Variants in SYT14 observed in about 807,000 individuals in gnomAD.
The protein encoded by SYT14 is synaptotagmin 14, also known as synaptotagmin-14.
In SYT14, 32 loss-of-function variants were observed where a neutral mutation model predicts 74.2. The observed-to-expected ratio is 0.43, with a 90% CI of 0.33 to 0.58. The LOEUF is 0.58. Among genes scored for constraint, SYT14 ranks in the 20% least tolerant of loss-of-function variants. The pLI, the probability that SYT14 is intolerant of heterozygous loss-of-function variation, is 0.05. For missense variants in SYT14, 791 were observed against 981.8 expected (o/e 0.81, Z 2.60); for synonymous variants, 298 against 337.7 (o/e 0.88, Z 1.29).
rs377050610 is a variant in SYT14, at chr1:210,059,451, T to TATATATAGAG, written c.1313-34870_1313-34869insTATATAGAGA. ...GAATATATATATATATATATATATA[T>TATATATAGAG]AGAGAGAGAGAGAGAGAGAGAGAGA... is the stretch of plus-strand genomic sequence containing the variant. On this transcript the variant is annotated intron_variant, in intron 5 of 9. Transcript: ENST00000637265. Among the ~76,000 whole-genome samples the TATATATAGAG allele has an allele frequency of 3.7e-3, 259 of 69,884 alleles. 3 individuals are homozygous for TATATATAGAG. Among genetic ancestry groups the TATATATAGAG allele is most frequent in the African/African-American group, 8.3e-3 (106 of 12,730 alleles). The allele number at this position is 69,884 out of a possible 152,430, so 45.8% of individuals were successfully genotyped here.
At chr1:210,030,464 ATTAG>A (rs2080507191) in intron 5 of SYT14, among the ~76,000 whole-genome samples, 1 of 152,106 alleles carries the variant, frequency 6.6e-6, no homozygotes, top group African/African-American at 2.4e-5. Flanking sequence ...TGATTTGTTT[ATTAG>A]TTCTAGCAGT....
chr1:210,026,972 C>T (rs913810606), intron 5 of SYT14, among the ~76,000 whole-genome samples: 1 of 152,026 alleles, frequency 6.6e-6, no homozygotes, highest in Non-Finnish European at 1.5e-5. Context: ...AGGTATATTA[C>T]ATTTGACTCT....
chr1:210,040,620 A>G (rs1445058979), intron 5 of SYT14, among the ~76,000 whole-genome samples: 2 of 152,186 alleles, frequency 1.3e-5, no homozygotes, highest in Admixed American at 1.3e-4. Flanking sequence ...ACGTAGGATC[A>G]GACTTTAAAA....
chr1:209,970,037 C>T (rs2079222067), intron 2 of SYT14, among the ~76,000 whole-genome samples: 1 of 152,122 alleles, frequency 6.6e-6, no homozygotes, highest in South Asian at 2.1e-4. Flanking sequence ...GTGTTGATTA[C>T]TTCTTTTACT....
At chr1:209,940,783 C>A (rs763382049) in intron 1 of SYT14, among the ~76,000 whole-genome samples, 4 of 152,154 alleles carry the variant, frequency 2.6e-5, no homozygotes, top group Non-Finnish European at 5.9e-5. Context: ...ATCCACTTCC[C>A]TCCTCTGGAT....
intron 7 of SYT14, among the ~76,000 whole-genome samples, chr1:210,112,451 G>T (rs1263887955): frequency 6.6e-6 from 1 of 151,426 alleles, no homozygotes; most frequent in Non-Finnish European, 1.5e-5. Flanking sequence ...AATAGAATGG[G>T]CCTATGAGGC....
intron 2 of SYT14, among the ~76,000 whole-genome samples, chr1:209,993,180 A>G (rs1303150571): frequency 1.3e-5 from 2 of 152,144 alleles, no homozygotes; most frequent in African/African-American, 2.4e-5. Context: ...ATCCCCCTTC[A>G]GGAAGTGCCA....
At chr1:210,162,074 A>AAAAT (rs1160342285) in exon 10 of SYT14, 43 of 439,418 alleles carry the variant, frequency 9.8e-5, no homozygotes, top group Admixed American at 4.4e-4. Flanking sequence ...CTTCACTCTT[A>AAAAT]CTTCAATTTA....
chr1:210,081,575 C>A (rs1286880600), intron 5 of SYT14, among the ~76,000 whole-genome samples: 1 of 152,162 alleles, frequency 6.6e-6, no homozygotes, highest in East Asian at 1.9e-4. Context: ...GGGAAAATGG[C>A]ACTAGTAGAC....
At chr1:210,158,199 G>T (rs935970467) in intron 8 of SYT14, among the ~76,000 whole-genome samples, 2 of 152,212 alleles carry the variant, frequency 1.3e-5, no homozygotes, top group Non-Finnish European at 2.9e-5. Context: ...TTGGTAGTGT[G>T]ACTTGATCAT....
exon 10 of SYT14, chr1:210,163,023 T>A (rs1360749207): frequency 2.2e-6 from 1 of 453,518 alleles, no homozygotes; most frequent in East Asian, 6.9e-5. Flanking sequence ...AAAAAAGACT[T>A]GAAGAGGGGA....
At chr1:210,136,822 A>C (rs2102656444) in intron 7 of SYT14, among the ~76,000 whole-genome samples, 1 of 152,320 alleles carries the variant, frequency 6.6e-6, no homozygotes, top group Non-Finnish European at 1.5e-5. Context: ...TGAGAAAATC[A>C]AATAACTTAG....
intron 2 of SYT14, among the ~76,000 whole-genome samples, chr1:209,981,457 T>TC (rs1013357598): frequency 7.1e-6 from 1 of 141,182 alleles, no homozygotes; most frequent in Admixed American, 7.0e-5. Context: ...TTTCTTTTTT[T>TC]TTTTTTTTTT....
chr1:210,129,636 G>A (rs1375963344), intron 7 of SYT14, among the ~76,000 whole-genome samples: 1 of 152,146 alleles, frequency 6.6e-6, no homozygotes, highest in Admixed American at 6.5e-5. Flanking sequence ...TTAGTGATTG[G>A]ACATAATATA....
chr1:210,123,399 T>C (rs1275809761), intron 7 of SYT14, among the ~76,000 whole-genome samples: 3 of 152,142 alleles, frequency 2.0e-5, no homozygotes, highest in Non-Finnish European at 4.4e-5. Context: ...AGGAGAGAAC[T>C]AATCTGATCA....
chr1:210,155,025 G>A (rs1271878940), intron 7 of SYT14, among the ~76,000 whole-genome samples: 1 of 152,158 alleles, frequency 6.6e-6, no homozygotes, highest in Non-Finnish European at 1.5e-5. Context: ...GATTATGGAT[G>A]TCTGTGTTTC....
At chr1:210,107,280 A>G (rs2082175962) in intron 7 of SYT14, among the ~76,000 whole-genome samples, 1 of 152,238 alleles carries the variant, frequency 6.6e-6, no homozygotes, top group Admixed American at 6.5e-5. Context: ...CCTGACAGCT[A>G]GGGCAACAGT....
intron 2 of SYT14, among the ~76,000 whole-genome samples, chr1:209,959,314 T>C (rs2079041992): frequency 6.6e-6 from 1 of 151,968 alleles, no homozygotes; most frequent in African/African-American, 2.4e-5. Flanking sequence ...AGCTAATTTT[T>C]TGTATTTTTA....
chr1:210,159,470 A>T, exon 9 of SYT14: 1 of 1,551,406 alleles, frequency 6.4e-7, no homozygotes, highest in Non-Finnish European at 8.7e-7. Flanking sequence ...AGGTTTATAT[A>T]ATCCGAGGTG....
Sources: allele counts gnomAD v4.1 joint callset (sites outside exome capture counted in the v4.1 genomes callset), GRCh38; gene constraint gnomAD v4.1.1; transcripts MANE v1.5; gene names NCBI Gene and HGNC (gene_info 2026-07-23, HGNC 2026-07-21).